Variants in SHROOM4 observed in about 807,000 individuals in gnomAD.
SHROOM4 encodes protein Shroom4.
In SHROOM4, 17 loss-of-function variants were observed where a neutral mutation model predicts 80.3. The ratio of observed to expected loss-of-function variants is 0.21; its 90% confidence interval spans 0.14 to 0.32. The LOEUF (loss-of-function observed/expected upper bound fraction) is 0.32. SHROOM4 is among the 10% of genes least tolerant of loss of function. The pLI, the probability that SHROOM4 is intolerant of heterozygous loss-of-function variation, is 1.00. For synonymous variants in SHROOM4, 400 were observed against 437.5 expected (o/e 0.91, Z 1.07); for missense variants, 993 against 1,140.3 (o/e 0.87, Z 1.86).
At chrX:50,704,542 G>A (rs1272878842) in intron 1 of SHROOM4, among the ~76,000 whole-genome samples, 1 of 111,810 alleles carries the variant, frequency 8.9e-6, no homozygotes, top group Non-Finnish European at 1.9e-5. Context: ...CTCACTGCTG[G>A]TTCTCTAAAG....
At chrX:50,763,109 T>C (rs1602495745) in intron 1 of SHROOM4, among the ~76,000 whole-genome samples, 1 of 111,341 alleles carries the variant, frequency 9.0e-6, no homozygotes, top group East Asian at 2.8e-4. Flanking sequence ...TTCTTCAGAG[T>C]GTATAATCTC....
chrX:50,608,462 A>C (rs1929800980), intron 5 of SHROOM4, among the ~76,000 whole-genome samples: 1 of 111,557 alleles, frequency 9.0e-6, no homozygotes, highest in Non-Finnish European at 1.9e-5. Flanking sequence ...CTGATTTTAC[A>C]GTTGGGGAAA....
chrX:50,693,328 A>C (rs1467055861), intron 2 of SHROOM4, among the ~76,000 whole-genome samples: 1 of 110,714 alleles, frequency 9.0e-6, no homozygotes, highest in Non-Finnish European at 1.9e-5. Flanking sequence ...GCACTTTGGG[A>C]GGCTGCGGCA....
intron 5 of SHROOM4, among the ~76,000 whole-genome samples, chrX:50,615,686 C>G (rs1335964129): frequency 1.8e-5 from 2 of 111,370 alleles, no homozygotes; most frequent in African/African-American, 6.5e-5. Context: ...TTACTGTAAC[C>G]TCGTAGCCCA....
At chrX:50,797,198 A>G (rs868909616) in intron 1 of SHROOM4, among the ~76,000 whole-genome samples, 1 of 111,194 alleles carries the variant, frequency 9.0e-6, no homozygotes. Flanking sequence ...AAGATGCAGA[A>G]ACAGGAGAGT....
intron 5 of SHROOM4, among the ~76,000 whole-genome samples, chrX:50,618,735 G>T (rs899514652): frequency 2.7e-5 from 3 of 111,571 alleles, no homozygotes; most frequent in Non-Finnish European, 5.6e-5. Flanking sequence ...GCACTTTCAC[G>T]TATGTATTTC....
At chrX:50,793,569 A>G (rs1267715080) in intron 1 of SHROOM4, among the ~76,000 whole-genome samples, 5 of 104,686 alleles carry the variant, frequency 4.8e-5, no homozygotes, top group Admixed American at 2.2e-4. Context: ...CTTTTTAGTC[A>G]AATTTTATCT....
At chrX:50,710,696 TA>T (rs1287155561) in intron 1 of SHROOM4, among the ~76,000 whole-genome samples, 6 of 111,625 alleles carry the variant, frequency 5.4e-5, no homozygotes, top group Non-Finnish European at 1.1e-4. Context: ...TATACACATA[TA>T]AAAAATAAAT....
At chrX:50,584,126 A>G (rs782053580), downstream of SHROOM4, among the ~76,000 whole-genome samples, 2 of 112,010 alleles carry the variant, frequency 1.8e-5, no homozygotes, top group African/African-American at 3.2e-5. Context: ...TCCCTGAATC[A>G]GAAGATTCAT....
chrX:50,714,596 G>A (rs1933901009), intron 1 of SHROOM4, among the ~76,000 whole-genome samples: 2 of 111,870 alleles, frequency 1.8e-5, no homozygotes, highest in Non-Finnish European at 3.8e-5. Context: ...ACTGGACAAT[G>A]GGGTGGGAGA....
intron 5 of SHROOM4, among the ~76,000 whole-genome samples, chrX:50,623,076 G>A (rs1225117197): frequency 8.9e-6 from 1 of 112,020 alleles, no homozygotes; most frequent in Non-Finnish European, 1.9e-5. Context: ...TGGGCCTGGG[G>A]CCACATTTTG....
At position 50,592,752 on chromosome X, in the gene SHROOM4, C is replaced by T; in HGVS notation, c.*3943G>A. 8.5e-6 allele frequency: 1 copy of T among 117,594 alleles called. No homozygotes were observed. The allele number at this position is 117,594 out of a possible 1,213,427, so 9.7% of individuals were successfully genotyped here. A position where few individuals can be genotyped will look rare whatever the true frequency, so the allele number is the denominator to read the frequency against. On this transcript the variant is annotated 3_prime_UTR_variant, in exon 9 of 9. Transcript: ENST00000376020. ...CTAGAAGTAAGATGAAAATACTAGA[C>T]AGAATTCAAGATTGGAAGAAGTCTA...
At chrX:50,735,112 G>A (rs1291201527) in intron 1 of SHROOM4, among the ~76,000 whole-genome samples, 1 of 112,003 alleles carries the variant, frequency 8.9e-6, no homozygotes, top group Non-Finnish European at 1.9e-5. Flanking sequence ...AGACAGTCTT[G>A]TAATGGCACA....
intron 1 of SHROOM4, among the ~76,000 whole-genome samples, chrX:50,704,066 A>G (rs17003185): frequency 0.043 from 4,846 of 111,595 alleles, 283 homozygotes; most frequent in African/African-American, 0.15. Flanking sequence ...TTACCCTTGT[A>G]TAGCATTAAA....
chrX:50,676,922 T>C (rs1165249986), intron 2 of SHROOM4, among the ~76,000 whole-genome samples: 1 of 111,649 alleles, frequency 9.0e-6, no homozygotes, highest in Non-Finnish European at 1.9e-5. Context: ...AGGATAAAAA[T>C]AGAAAATATT....
At chrX:50,691,308 A>G (rs782258714) in intron 2 of SHROOM4, among the ~76,000 whole-genome samples, 2 of 111,814 alleles carry the variant, frequency 1.8e-5, no homozygotes, top group Admixed American at 9.5e-5. Context: ...TATAAAATGA[A>G]TATCTTGGGA....
intron 1 of SHROOM4, among the ~76,000 whole-genome samples, chrX:50,749,649 G>A: frequency 8.9e-6 from 1 of 111,788 alleles, no homozygotes; most frequent in Non-Finnish European, 1.9e-5. Flanking sequence ...GAAAGAGGAA[G>A]GGTACATTCT....
chrX:50,794,523 G>A (rs782562241), intron 1 of SHROOM4, among the ~76,000 whole-genome samples: 3 of 110,000 alleles, frequency 2.7e-5, no homozygotes, highest in Non-Finnish European at 5.7e-5. Flanking sequence ...TCTGCAGGAC[G>A]CAGCATTTTA....
At chrX:50,677,611 T>G (rs1932869927) in intron 2 of SHROOM4, among the ~76,000 whole-genome samples, 1 of 111,436 alleles carries the variant, frequency 9.0e-6, no homozygotes, top group African/African-American at 3.2e-5. Context: ...GGTGAGAAAA[T>G]GGACCCAGAG....
Sources: gnomAD v4.1 joint callset for allele counts (sites outside exome capture counted in the v4.1 genomes callset) on GRCh38, gnomAD v4.1.1 for gene constraint, MANE v1.5 for transcripts, NCBI Gene and HGNC (gene_info 2026-07-23, HGNC 2026-07-21) for gene names.